GPC5: variants seen among roughly 807,000 people sequenced by gnomAD.
The protein encoded by GPC5 is glypican-5.
In GPC5, 47 loss-of-function variants were observed where a neutral mutation model predicts 53.9. The ratio of observed to expected loss-of-function variants is 0.87; its 90% CI spans 0.69 to 1.11. The LOEUF (loss-of-function observed/expected upper bound fraction) is 1.11, where lower values mean the gene tolerates loss of function less well. GPC5 is among the 50% of genes most tolerant of loss of function. The probability of loss-of-function intolerance (pLI) is 0.00; values close to 1 mark genes in which losing one functional copy is unlikely to be tolerated. For synonymous variants in GPC5, 286 were observed against 263.3 expected (o/e 1.09, Z -0.84); for missense variants, 748 against 713.1 (o/e 1.05, Z -0.56).
At chr13:91,952,957 T>A (rs2040041165) in intron 6 of GPC5, among the ~76,000 whole-genome samples, 1 of 152,166 alleles carries the variant, frequency 6.6e-6, no homozygotes, top group Non-Finnish European at 1.5e-5. Context: ...TCAGTGGGAT[T>A]TAAAGCAGAT....
At chr13:92,685,174 C>A (rs1887224981) in intron 7 of GPC5, among the ~76,000 whole-genome samples, 1 of 152,094 alleles carries the variant, frequency 6.6e-6, no homozygotes, top group Non-Finnish European at 1.5e-5. Flanking sequence ...CAACTGCAAC[C>A]TCCATCTCAC....
intron 4 of GPC5, among the ~76,000 whole-genome samples, chr13:91,740,453 G>C (rs1431023363): frequency 6.6e-6 from 1 of 152,164 alleles, no homozygotes; most frequent in African/African-American, 2.4e-5. Flanking sequence ...GTTGTGCTAA[G>C]CTCCTTTGTG....
At position 91,762,785 on chromosome 13, in the gene GPC5, A is replaced by T. The variant is rs936303008; in HGVS notation, c.1280+6365A>T. Among the ~76,000 whole-genome samples, 2 of 152,066 alleles carry T rather than the reference A, an allele frequency of 1.3e-5. 1 individual carries two copies. The highest frequency in any genetic ancestry group is 1.3e-4 in the Admixed American group (2 of 15,262). ...TACCATGGAGCTTGAAATGCCCACA[A>T]TTAACTGAATAATTTTCAATTAAAT... On this transcript the variant is annotated intron_variant, in intron 5 of 7. Coordinates refer to ENST00000377067, the MANE Select transcript of GPC5 (RefSeq NM_004466.6).
intron 2 of GPC5, among the ~76,000 whole-genome samples, chr13:91,517,040 C>G (rs765272746): frequency 3.9e-5 from 6 of 152,112 alleles, no homozygotes; most frequent in Non-Finnish European, 7.4e-5. Flanking sequence ...CTTCCTGGAC[C>G]TCTGGGCCTG....
intron 6 of GPC5, among the ~76,000 whole-genome samples, chr13:91,947,665 T>TAGTGAGGAAACAGTGGCAC (rs2039986360): frequency 6.6e-6 from 1 of 152,216 alleles, no homozygotes; most frequent in African/African-American, 2.4e-5. Flanking sequence ...AACAGTGGCA[T>TAGTGAGGAAACAGTGGCAC]AGAAGACACA....
At chr13:91,406,691 C>G (rs1009802316) in intron 1 of GPC5, among the ~76,000 whole-genome samples, 4 of 152,106 alleles carry the variant, frequency 2.6e-5, no homozygotes, top group African/African-American at 9.7e-5. Context: ...GTGCAAGCCC[C>G]CTCTCCAATT....
intron 7 of GPC5, among the ~76,000 whole-genome samples, chr13:92,151,065 C>T (rs1280440026): frequency 1.3e-5 from 2 of 151,878 alleles, no homozygotes; most frequent in African/African-American, 2.4e-5. Flanking sequence ...TATTCTGTCT[C>T]GGGATTGATA....
chr13:92,296,988 G>A lies in GPC5; in HGVS notation c.1561+151999G>A, dbSNP rs575181870. On this transcript the variant is annotated intron_variant, in intron 7 of 7. Coordinates refer to ENST00000377067, the MANE Select transcript of GPC5 (RefSeq NM_004466.6). ...CCTGTGTGGCCCGAGCCTCCCCGAC[G>A]AGCACCACCCCCTGCTCCATGGCAC... 2.1e-4 allele frequency among the ~76,000 whole-genome samples: 32 copies of A among 152,070 alleles called. 2 individuals are homozygous for A. The Middle Eastern group carries it at 0.024, about 113-fold the overall frequency.
intron 6 of GPC5, among the ~76,000 whole-genome samples, chr13:92,035,639 A>T (rs750506004): frequency 2.0e-5 from 3 of 152,132 alleles, no homozygotes; most frequent in African/African-American, 7.2e-5. Flanking sequence ...CCATTTATAT[A>T]CAGACTGTCT....
chr13:92,570,980 T>C (rs1883004983), intron 7 of GPC5, among the ~76,000 whole-genome samples: 2 of 152,144 alleles, frequency 1.3e-5, no homozygotes, highest in Non-Finnish European at 2.9e-5. Context: ...TTCTCCTCCT[T>C]CTTTTGATTC....
chr13:91,951,391 G>A (rs961881168), intron 6 of GPC5, among the ~76,000 whole-genome samples: 11 of 152,114 alleles, frequency 7.2e-5, no homozygotes, highest in African/African-American at 2.7e-4. Flanking sequence ...AAGAGAGAGA[G>A]AAAGCAGAAA....
rs558118030 is a variant in GPC5 at position 92,683,878 on chromosome 13, T to C, written c.1562-182404T>C. Among the ~76,000 whole-genome samples the C allele has an allele frequency of 5.3e-5, 8 of 152,342 alleles. 1 individual carries two copies. The South Asian group carries it at 1.7e-3, about 32-fold the overall frequency. ...GTATTTTTAACATTAGTATGTTACA[T>C]TTGTTACAAGTGATGAGCCAATGTT... On this transcript the variant is annotated intron_variant, in intron 7 of 7. Coordinates refer to ENST00000377067, the MANE Select transcript of GPC5 (RefSeq NM_004466.6).
At chr13:92,840,195 T>C (rs955994473) in intron 7 of GPC5, among the ~76,000 whole-genome samples, 2 of 150,124 alleles carry the variant, frequency 1.3e-5, no homozygotes, top group Non-Finnish European at 3.0e-5. Flanking sequence ...GGTTCATCCA[T>C]GTTGTAGGAG....
intron 7 of GPC5, among the ~76,000 whole-genome samples, chr13:92,258,343 T>C (rs74107160): frequency 0.031 from 4,660 of 152,320 alleles, 165 homozygotes; most frequent in Admixed American, 0.074. Context: ...AAAGATCCTA[T>C]TCTTTTGTAG....
At chr13:92,601,124 T>C (rs1884036227) in intron 7 of GPC5, among the ~76,000 whole-genome samples, 1 of 152,222 alleles carries the variant, frequency 6.6e-6, no homozygotes, top group Non-Finnish European at 1.5e-5. Context: ...TGGTTTTTAA[T>C]TTTAACCTGT....
At chr13:92,188,662 T>C (rs1341062571) in intron 7 of GPC5, among the ~76,000 whole-genome samples, 1 of 152,204 alleles carries the variant, frequency 6.6e-6, no homozygotes, top group Non-Finnish European at 1.5e-5. Context: ...ATAACAGTTA[T>C]ATATAACAGG....
chr13:92,135,635 T>A (rs2041778345), intron 6 of GPC5, among the ~76,000 whole-genome samples: 3 of 152,194 alleles, frequency 2.0e-5, no homozygotes, highest in Non-Finnish European at 4.4e-5. Flanking sequence ...AAGAGAGTGA[T>A]AAGCCTTTTC....
intron 7 of GPC5, among the ~76,000 whole-genome samples, chr13:92,347,856 T>TA (rs1306173609): frequency 1.4e-4 from 2 of 14,766 alleles, no homozygotes; most frequent in East Asian, 2.9e-3. Flanking sequence ...GTTTTATACA[T>TA]ATATATATTA....
intron 7 of GPC5, among the ~76,000 whole-genome samples, chr13:92,813,511 T>G (rs1877365818): frequency 6.6e-6 from 1 of 152,030 alleles, no homozygotes; most frequent in African/African-American, 2.4e-5. Flanking sequence ...AAACTAATTT[T>G]ATGCAAATAC....
Sources: allele counts gnomAD v4.1 joint callset (sites outside exome capture counted in the v4.1 genomes callset), GRCh38; gene constraint gnomAD v4.1.1; transcripts MANE v1.5; gene names NCBI Gene and HGNC (gene_info 2026-07-23, HGNC 2026-07-21).